The following AFAP1L1 variants were observed in gnomAD, a reference collection of about 807,000 sequenced individuals.
AFAP1L1 encodes actin filament-associated protein 1-like 1.
Under a neutral mutation model 99.8 loss-of-function variants are expected in AFAP1L1, and 77 were observed. That is an observed-to-expected ratio of 0.77 (90% CI 0.64 to 0.93). The LOEUF is 0.93. Among genes scored for constraint, AFAP1L1 ranks in the 40% least tolerant of loss-of-function variants. The pLI is 0.00. For synonymous variants in AFAP1L1, 373 were observed against 395.3 expected (o/e 0.94, Z 0.67); for missense variants, 893 against 996.8 (o/e 0.90, Z 1.40).
At chr5:149,335,426 T>A (rs911769616) in intron 17 of AFAP1L1, among the ~76,000 whole-genome samples, 168 bp from the exon 18 acceptor site, 2 of 152,168 alleles carry the variant, frequency 1.3e-5, no homozygotes, top group African/African-American at 4.8e-5. Context: ...AGGCAGAGGT[T>A]GCAGTGAGCC....
At position 149,315,915 on chromosome 5, in the gene AFAP1L1, G is replaced by C; in HGVS notation, c.1114+1G>C. The C allele has an allele frequency of 6.2e-7, 1 of 1,614,124 alleles. No individual in the cohort carries two copies. Among genetic ancestry groups the C allele is most frequent in the Non-Finnish European group, 8.5e-7 (1 of 1,180,004 alleles). On this transcript the variant is annotated splice_donor_variant, in intron 10 of 18. Transcript: ENST00000296721. LOFTEE classifies it high-confidence loss of function. ...GGCCGCCGGGAGACCTGTGATCACG[G>C]TAGGAGCCTCTGGGGGCTCAGGCTG... is the stretch of plus-strand genomic sequence containing the variant.
At chr5:149,333,309 G>A (rs988788167) in intron 17 of AFAP1L1, among the ~76,000 whole-genome samples, 5 of 152,310 alleles carry the variant, frequency 3.3e-5, no homozygotes, top group Non-Finnish European at 5.9e-5. Flanking sequence ...CAGAGATGTC[G>A]AATGACTTGC....
intron 1 of AFAP1L1, among the ~76,000 whole-genome samples, chr5:149,275,915 A>C (rs573841277): frequency 1.2e-4 from 18 of 152,322 alleles, no homozygotes; most frequent in African/African-American, 3.8e-4. Flanking sequence ...ATACAGTCAC[A>C]CTTGGGGTTA....
intron 4 of AFAP1L1, 76 bp downstream of exon 4, chr5:149,301,306 C>A: frequency 7.1e-7 from 1 of 1,409,368 alleles, no homozygotes; most frequent in South Asian, 1.2e-5. Context: ...CTCCCCTTCC[C>A]ACTGGGTGCT....
chr5:149,332,950 C>G, intron 17 of AFAP1L1, 77 bp downstream of exon 17: 1 of 1,435,964 alleles, frequency 7.0e-7, no homozygotes, highest in Non-Finnish European at 9.2e-7. Flanking sequence ...TCTTCATGAT[C>G]ATTCTTTGGA....
intron 15 of AFAP1L1, among the ~76,000 whole-genome samples, chr5:149,328,384 T>A (rs967242774): frequency 4.6e-5 from 7 of 152,202 alleles, no homozygotes; most frequent in Non-Finnish European, 8.8e-5. Flanking sequence ...TAGAGCAGTA[T>A]TGCACAGCAT....
intron 18 of AFAP1L1, among the ~76,000 whole-genome samples, chr5:149,338,866 G>A (rs1462195552): frequency 6.6e-6 from 1 of 152,180 alleles, no homozygotes; most frequent in Non-Finnish European, 1.5e-5. Flanking sequence ...GCAGAGAGAA[G>A]AGCAAGTGTC....
intron 1 of AFAP1L1, among the ~76,000 whole-genome samples, chr5:149,285,842 G>T (rs1755662060): frequency 1.3e-5 from 2 of 152,144 alleles, no homozygotes; most frequent in Admixed American, 1.3e-4. Flanking sequence ...GGAGACATTT[G>T]TCAGAGGCAG....
intron 13 of AFAP1L1, 57 bp downstream of exon 13, chr5:149,319,784 C>T: frequency 6.3e-7 from 1 of 1,591,318 alleles, no homozygotes; most frequent in Non-Finnish European, 8.5e-7. Context: ...CTCCATCCCT[C>T]TCAGAGGCTG....
chr5:149,276,283 C>T (rs956456118), intron 1 of AFAP1L1, among the ~76,000 whole-genome samples: 2 of 152,312 alleles, frequency 1.3e-5, no homozygotes, highest in East Asian at 3.9e-4. Context: ...GAAACAAACG[C>T]CGAAAGTAGA....
At chr5:149,311,752 A>G (rs1307927131) in intron 8 of AFAP1L1, among the ~76,000 whole-genome samples, 2 of 152,176 alleles carry the variant, frequency 1.3e-5, no homozygotes, top group African/African-American at 4.8e-5. Flanking sequence ...CTTCGCATCC[A>G]TGGTCACACT....
intron 11 of AFAP1L1, 118 bp from the exon 12 acceptor site, chr5:149,317,611 G>T: frequency 1.9e-6 from 2 of 1,032,794 alleles, no homozygotes; most frequent in South Asian, 1.6e-5. Context: ...AGGTCACAGG[G>T]GAAAGAGAGC....
In AFAP1L1 at chr5:149,342,106, C is replaced by T. The variant is rs540978398; in HGVS notation, c.*2076C>T. Among the ~76,000 whole-genome samples the T allele has an allele frequency of 6.6e-6, 1 of 152,288 alleles. No individual in the cohort carries two copies. Among genetic ancestry groups the T allele is most frequent in the African/African-American group, 2.4e-5 (1 of 41,560 alleles). Reference sequence around the variant, plus strand: ...TGCAACCTGTGCAGTCACACAGGGCCCCATGCTTAGAAGGGCCCTGTTCTT... The same window carrying T: ...TGCAACCTGTGCAGTCACACAGGGCTCCATGCTTAGAAGGGCCCTGTTCTT... On this transcript the variant is annotated 3_prime_UTR_variant, in exon 19 of 19. Transcript: ENST00000296721.
chr5:149,323,817 A>T (rs1247331846), intron 15 of AFAP1L1, among the ~76,000 whole-genome samples: 1 of 152,224 alleles, frequency 6.6e-6, no homozygotes, highest in Non-Finnish European at 1.5e-5. Context: ...GGCACTGGAA[A>T]TGCAGGGCCT....
Position 149,302,413 on chromosome 5 carries a change from T to G in AFAP1L1, c.328-5T>G, listed in dbSNP as rs1205376764. ...CCCCTAGCCCTCTTTTTTGTCCCCT[T>G]GCAGGCGGCCGACCTGCCTCCACCG... On this transcript the variant is annotated splice_polypyrimidine_tract_variant and splice_region_variant and intron_variant, in intron 4 of 18. Transcript: ENST00000296721. 2 of 1,571,524 alleles carry G rather than the reference T, an allele frequency of 1.3e-6. No homozygotes were observed. The highest frequency in any genetic ancestry group is 1.9e-5 in the Admixed American group (1 of 53,652).
intron 17 of AFAP1L1, among the ~76,000 whole-genome samples, chr5:149,333,999 C>A (rs1757335077): frequency 6.6e-6 from 1 of 152,166 alleles, no homozygotes; most frequent in Non-Finnish European, 1.5e-5. Flanking sequence ...GGACTACATC[C>A]ATTTGTTTAT....
At chr5:149,318,054 G>A in intron 12 of AFAP1L1, 114 bp downstream of exon 12, 1 of 1,257,392 alleles carries the variant, frequency 8.0e-7, no homozygotes, top group Non-Finnish European at 1.1e-6. Context: ...TGAAGGGGAA[G>A]GAAAGCAAGC....
At chr5:149,316,402 C>T (rs920740726) in intron 11 of AFAP1L1, 99 bp downstream of exon 11, 2 of 1,451,018 alleles carry the variant, frequency 1.4e-6, no homozygotes, top group East Asian at 2.3e-5. Flanking sequence ...ACCTCACCCC[C>T]AGGGCAGGGG....
chr5:149,282,632 G>A (rs1755554825), intron 1 of AFAP1L1, among the ~76,000 whole-genome samples: 1 of 152,154 alleles, frequency 6.6e-6, no homozygotes, highest in Non-Finnish European at 1.5e-5. Flanking sequence ...TATTGTCTAG[G>A]GCTACTTTCT....
Sources: allele counts gnomAD v4.1 joint callset (sites outside exome capture counted in the v4.1 genomes callset), GRCh38; gene constraint gnomAD v4.1.1; transcripts MANE v1.5; gene names NCBI Gene and HGNC (gene_info 2026-07-23, HGNC 2026-07-21).